Variants in HMCN1 observed in about 807,000 individuals in gnomAD.
HMCN1 encodes the protein hemicentin 1, also known as hemicentin-1.
In HMCN1, 321 loss-of-function variants were observed where a neutral mutation model predicts 625.9. The observed-to-expected ratio is 0.51, with a 90% CI of 0.47 to 0.56. The LOEUF (loss-of-function observed/expected upper bound fraction) is 0.56. HMCN1 is among the 20% of genes least tolerant of loss of function. The pLI is 0.00. For synonymous variants in HMCN1, 2,425 were observed against 2,417.6 expected (o/e 1.00, Z -0.09); for missense variants, 6,588 against 6,887.3 (o/e 0.96, Z 1.54).
intron 40 of HMCN1, among the ~76,000 whole-genome samples, chr1:186,044,415 A>G (rs889149211): frequency 5.9e-5 from 9 of 152,114 alleles, no homozygotes; most frequent in African/African-American, 2.2e-4. Flanking sequence ...CAGTGCATGA[A>G]AGTGCTCTTT....
At chr1:185,943,102 T>C (rs890035755) in intron 11 of HMCN1, among the ~76,000 whole-genome samples, 2 of 152,020 alleles carry the variant, frequency 1.3e-5, no homozygotes, top group African/African-American at 4.8e-5. Context: ...CTTGGAAGGA[T>C]CTGGATGGCA....
chr1:186,155,411 A>ACATTT (rs1650935245), intron 97 of HMCN1, among the ~76,000 whole-genome samples: 1 of 152,182 alleles, frequency 6.6e-6, no homozygotes, highest in Non-Finnish European at 1.5e-5. Context: ...ATGAGGAGTT[A>ACATTT]CATTTTCTTT....
At chr1:185,921,302 T>C (rs1322481724) in intron 6 of HMCN1, among the ~76,000 whole-genome samples, 3 of 152,202 alleles carry the variant, frequency 2.0e-5, no homozygotes, top group African/African-American at 7.2e-5. Context: ...GTTCTTGAGA[T>C]TCTGCTCAAT....
intron 2 of HMCN1, among the ~76,000 whole-genome samples, chr1:185,849,571 A>G (rs1206354169): frequency 6.6e-6 from 1 of 152,232 alleles, no homozygotes; most frequent in East Asian, 1.9e-4. Flanking sequence ...AGTTTGAAGT[A>G]TAATACTGTC....
intron 12 of HMCN1, among the ~76,000 whole-genome samples, chr1:185,963,170 C>T (rs1426641563): frequency 6.6e-6 from 1 of 152,086 alleles, no homozygotes; most frequent in Non-Finnish European, 1.5e-5. Flanking sequence ...CACTCATGCT[C>T]CTACAGTATA....
chr1:185,836,693 A>G (rs909249581), intron 1 of HMCN1, among the ~76,000 whole-genome samples: 2 of 152,056 alleles, frequency 1.3e-5, no homozygotes. Flanking sequence ...TTTTAGGTAA[A>G]TGGCATGTAG....
intron 4 of HMCN1, among the ~76,000 whole-genome samples, chr1:185,897,513 C>G (rs999720835): frequency 2.6e-5 from 4 of 152,192 alleles, no homozygotes; most frequent in Non-Finnish European, 5.9e-5. Flanking sequence ...AGCTATGACA[C>G]ACTTTAGTAT....
intron 1 of HMCN1, among the ~76,000 whole-genome samples, chr1:185,811,061 T>G (rs543162131): frequency 6.6e-6 from 1 of 152,328 alleles, no homozygotes; most frequent in Non-Finnish European, 1.5e-5. Flanking sequence ...TGTCCTGATA[T>G]TCAATCTGAA....
At chr1:185,781,648 T>C (rs1657116958) in intron 1 of HMCN1, among the ~76,000 whole-genome samples, 1 of 152,252 alleles carries the variant, frequency 6.6e-6, no homozygotes, top group Admixed American at 6.5e-5. Flanking sequence ...TTCCATGTAG[T>C]TGAGCCATTT....
intron 30 of HMCN1, among the ~76,000 whole-genome samples, chr1:186,009,202 A>G (rs892874692): frequency 2.6e-5 from 4 of 152,142 alleles, no homozygotes; most frequent in Non-Finnish European, 2.9e-5. Flanking sequence ...TCTGTGATGA[A>G]TACATTTTGG....
chr1:185,924,478 A>G (rs1172644331), intron 8 of HMCN1, among the ~76,000 whole-genome samples: 2 of 152,028 alleles, frequency 1.3e-5, no homozygotes, highest in East Asian at 3.9e-4. Flanking sequence ...AAAATTTATC[A>G]TTTATACATA....
chr1:185,897,361 A>C lies in HMCN1; in HGVS notation c.622-11976A>C, dbSNP rs74134357. Among the ~76,000 whole-genome samples, 1,156 of 152,204 alleles carry C rather than the reference A, an allele frequency of 7.6e-3. 14 individuals carry two copies. Among genetic ancestry groups the C allele is most frequent in the African/African-American group, 0.025 (1,038 of 41,522 alleles). ...AGAATCCTTCTTAAATACAAACTTG[A>C]TGTAACATCCTGTTTCTGAACTCCT... On this transcript the variant is annotated intron_variant, in intron 4 of 106. Transcript: ENST00000271588.
chr1:186,023,952 A>G (rs1654890651), intron 36 of HMCN1, among the ~76,000 whole-genome samples: 1 of 152,224 alleles, frequency 6.6e-6, no homozygotes, highest in Non-Finnish European at 1.5e-5. Flanking sequence ...ATAGTAGGTG[A>G]ATGAAAAAGT....
intron 38 of HMCN1, 46 bp from the exon 39 acceptor site, chr1:186,039,682 A>G: frequency 6.3e-7 from 1 of 1,594,686 alleles, no homozygotes; most frequent in Non-Finnish European, 8.6e-7. Context: ...TTGAGATCAC[A>G]AATCCTGTGA....
In HMCN1 at chr1:186,118,691, A is replaced by G. The variant is rs940568211; in HGVS notation, c.11849-500A>G. ...GGCAATAAAAAGGAACAAAATATTGACAAATGCTACAGCAGATGAACCTCA... is the reference window on the plus strand; with the variant it reads ...GGCAATAAAAAGGAACAAAATATTGGCAAATGCTACAGCAGATGAACCTCA... On this transcript the variant is annotated intron_variant, in intron 77 of 106. Transcript: ENST00000271588. Among the ~76,000 whole-genome samples the G allele has an allele frequency of 4.6e-5, 7 of 152,368 alleles. No individual in the cohort carries two copies. The East Asian group carries it at 1.3e-3, about 29-fold the overall frequency.
At chr1:185,950,400 G>T (rs968077423) in intron 11 of HMCN1, among the ~76,000 whole-genome samples, 3 of 151,940 alleles carry the variant, frequency 2.0e-5, no homozygotes, top group African/African-American at 7.3e-5. Context: ...ATGAGGGCTA[G>T]GCTAAAACAG....
chr1:186,186,981 C>T lies in HMCN1; in HGVS notation c.16415-902C>T, dbSNP rs193220621. On this transcript the variant is annotated intron_variant, in intron 105 of 106. Coordinates refer to ENST00000271588, the MANE Select transcript of HMCN1 (RefSeq NM_031935.3). Reference sequence around the variant, plus strand: ...TCCAACCATCAATCAATCTCACATTCTCTGTCTCTGTCTCACACACACACA... The same window carrying T: ...TCCAACCATCAATCAATCTCACATTTTCTGTCTCTGTCTCACACACACACA... Among the ~76,000 whole-genome samples, 74 of 139,602 alleles carry T rather than the reference C, an allele frequency of 5.3e-4. 1 individual carries two copies. The highest frequency in any genetic ancestry group is 2.1e-3 in the African/African-American group (74 of 35,910). 91.6% of individuals were successfully genotyped at this position (139,602 alleles called of 152,430 possible).
At chr1:185,909,308 T>C (rs746818621) in intron 4 of HMCN1, 29 bp from the exon 5 acceptor site, 1 of 1,574,522 alleles carries the variant, frequency 6.4e-7, no homozygotes, top group Non-Finnish European at 8.7e-7. Flanking sequence ...TTTTCTGATA[T>C]CACTTACACT....
Position 186,063,067 on chromosome 1 carries a change from CATATATAT to C in HMCN1, c.7513+496_7513+503del, listed in dbSNP as rs775036108. ...GTGTGTGTGTGTGTGTGTGTGTGTG[CATATATAT>C]ATATATATATATATATATATATATA... is the stretch of plus-strand genomic sequence containing the variant. On this transcript the variant is annotated intron_variant, in intron 48 of 106. Transcript: ENST00000271588. 6.0e-3 allele frequency among the ~76,000 whole-genome samples: 360 copies of C among 59,824 alleles called. 3 individuals carry two copies. Among genetic ancestry groups the C allele is most frequent in the Non-Finnish European group, 7.4e-3 (272 of 36,878 alleles). 39.2% of individuals were successfully genotyped at this position (59,824 alleles called of 152,430 possible).
Sources: gnomAD v4.1 joint callset for allele counts (sites outside exome capture counted in the v4.1 genomes callset) on GRCh38, gnomAD v4.1.1 for gene constraint, MANE v1.5 for transcripts, NCBI Gene and HGNC (gene_info 2026-07-23, HGNC 2026-07-21) for gene names.